Variants in KHDRBS2 observed in about 807,000 individuals in gnomAD.
KHDRBS2 encodes the protein KH domain-containing, RNA-binding, signal transduction-associated protein 2.
In KHDRBS2, 26 loss-of-function variants were observed where a neutral mutation model predicts 44.3. The observed-to-expected ratio is 0.59, with a 90% confidence interval of 0.43 to 0.81. KHDRBS2 has a LOEUF of 0.81. Among genes scored for constraint, KHDRBS2 ranks in the 40% least tolerant of loss-of-function variants. The probability of loss-of-function intolerance (pLI) is 0.00; values close to 1 mark genes in which losing one functional copy is unlikely to be tolerated. For synonymous variants in KHDRBS2, 194 were observed against 151.1 expected (o/e 1.28, Z -2.08); for missense variants, 476 against 433.1 (o/e 1.10, Z -0.88).
At chr6:62,169,655 A>G (rs1819610339) in intron 2 of KHDRBS2, among the ~76,000 whole-genome samples, 1 of 152,034 alleles carries the variant, frequency 6.6e-6, no homozygotes, top group South Asian at 2.1e-4. Flanking sequence ...GTCCCATGGG[A>G]GATTCACACT....
intron 1 of KHDRBS2, among the ~76,000 whole-genome samples, chr6:62,178,607 GAGACGTTAAAAGACTGTGT>G (rs1302820662): frequency 1.3e-5 from 2 of 151,552 alleles, no homozygotes; most frequent in East Asian, 3.9e-4. Flanking sequence ...AAGTAGGAAT[GAGACGTTAAAAGACTGTGT>G]AGTTACAACT....
At chr6:62,234,648 A>G (rs1833418385) in intron 1 of KHDRBS2, among the ~76,000 whole-genome samples, 1 of 152,102 alleles carries the variant, frequency 6.6e-6, no homozygotes, top group Non-Finnish European at 1.5e-5. Context: ...CAAGTTTGAG[A>G]GAATAGGCCT....
intron 1 of KHDRBS2, among the ~76,000 whole-genome samples, chr6:62,202,452 T>A (rs1827186136): frequency 6.6e-6 from 1 of 152,008 alleles, no homozygotes; most frequent in African/African-American, 2.4e-5. Context: ...TCATATGCAA[T>A]CATAAGACAA....
chr6:61,993,005 G>A (rs937790135), intron 3 of KHDRBS2, among the ~76,000 whole-genome samples: 10 of 152,118 alleles, frequency 6.6e-5, no homozygotes, highest in African/African-American at 1.9e-4. Context: ...AGCTTCAAGC[G>A]CAGTTGCTTA....
chr6:61,907,576 T>G (rs758577795), intron 4 of KHDRBS2, among the ~76,000 whole-genome samples: 2 of 152,206 alleles, frequency 1.3e-5, no homozygotes, highest in African/African-American at 2.4e-5. Context: ...TTTGATTTTA[T>G]TTTTGTATAT....
At chr6:61,580,705 G>T in the KHDRBS2 span, among the ~76,000 whole-genome samples, 1 of 151,886 alleles carries the variant, frequency 6.6e-6, no homozygotes, top group African/African-American at 2.4e-5. Context: ...ACACACCACT[G>T]TTAAGAGCTG....
chr6:61,937,614 T>A (rs1811275507), intron 4 of KHDRBS2, among the ~76,000 whole-genome samples: 1 of 152,134 alleles, frequency 6.6e-6, no homozygotes. Context: ...ATTTGTGTTA[T>A]AAGGCTGAAA....
At chr6:61,851,520 TG>T (rs1795415036) in intron 6 of KHDRBS2, among the ~76,000 whole-genome samples, 1 of 152,038 alleles carries the variant, frequency 6.6e-6, no homozygotes, top group South Asian at 2.1e-4. Flanking sequence ...CCATTACGAC[TG>T]GTATCATCAT....
At chr6:62,213,743 G>A (rs1298332277) in intron 1 of KHDRBS2, among the ~76,000 whole-genome samples, 1 of 151,664 alleles carries the variant, frequency 6.6e-6, no homozygotes, top group African/African-American at 2.4e-5. Context: ...GCATGGTGGT[G>A]GACACCCGTA....
intron 2 of KHDRBS2, among the ~76,000 whole-genome samples, chr6:62,163,261 C>T (rs1266455787): frequency 1.3e-5 from 2 of 151,924 alleles, no homozygotes; most frequent in East Asian, 1.9e-4. Flanking sequence ...CTTTAATTCC[C>T]GTGATTTCTT....
At chr6:62,270,656 G>A (rs1346462627) in intron 1 of KHDRBS2, among the ~76,000 whole-genome samples, 1 of 152,002 alleles carries the variant, frequency 6.6e-6, no homozygotes, top group African/African-American at 2.4e-5. Context: ...AACTCATTAA[G>A]TTTTATACTT....
rs77411929 is a variant in KHDRBS2, at chr6:61,868,255, C to T, written c.810+26380G>A. Among the ~76,000 whole-genome samples, 381 of 152,278 alleles carry T rather than the reference C, an allele frequency of 2.5e-3. 7 individuals are homozygous for T. The East Asian group carries it at 0.053, about 21-fold the overall frequency. On this transcript the variant is annotated intron_variant, in intron 6 of 8. Transcript: ENST00000281156. Reference sequence around the variant, plus strand: ...CCAAGCCATGATGGGGAACTGCCTCCACCTGCATCATCTTGGACTCTAAAG... The same window carrying T: ...CCAAGCCATGATGGGGAACTGCCTCTACCTGCATCATCTTGGACTCTAAAG...
At chr6:62,193,815 T>G (rs578008199) in intron 1 of KHDRBS2, among the ~76,000 whole-genome samples, 1 of 152,252 alleles carries the variant, frequency 6.6e-6, no homozygotes, top group South Asian at 2.1e-4. Flanking sequence ...GATTTGCATT[T>G]CTTTAATAAC....
chr6:61,543,818 A>T, the KHDRBS2 span, among the ~76,000 whole-genome samples: 1 of 152,070 alleles, frequency 6.6e-6, no homozygotes, highest in African/African-American at 2.4e-5. Context: ...ATGGAGCTGG[A>T]GGTCATTTTG....
chr6:61,818,833 T>C (rs1287413618), intron 6 of KHDRBS2, among the ~76,000 whole-genome samples: 4 of 151,908 alleles, frequency 2.6e-5, no homozygotes, highest in Admixed American at 6.6e-5. Flanking sequence ...CAGTTTTATC[T>C]CCCCCTAACA....
At chr6:61,747,549 T>G (rs1324233052) in intron 6 of KHDRBS2, among the ~76,000 whole-genome samples, 1 of 151,902 alleles carries the variant, frequency 6.6e-6, no homozygotes. Context: ...AACTATCACT[T>G]TCTAGTAAAT....
intron 1 of KHDRBS2, among the ~76,000 whole-genome samples, chr6:62,246,109 T>C (rs1835515218): frequency 1.1e-5 from 1 of 90,854 alleles, no homozygotes; most frequent in Admixed American, 1.0e-4. Flanking sequence ...ATTTTATATA[T>C]ATATATATAT....
At chr6:62,140,010 G>A (rs954453445) in intron 2 of KHDRBS2, among the ~76,000 whole-genome samples, 2 of 151,844 alleles carry the variant, frequency 1.3e-5, no homozygotes, top group Non-Finnish European at 2.9e-5. Flanking sequence ...TATCGTAAAT[G>A]TCTGGGTATA....
chr6:62,210,448 G>A (rs908747562), intron 1 of KHDRBS2, among the ~76,000 whole-genome samples: 2 of 149,930 alleles, frequency 1.3e-5, no homozygotes, highest in African/African-American at 2.5e-5. Context: ...ATCCTGCCTC[G>A]GCCCCCAGAG....
Sources: allele counts gnomAD v4.1 joint callset (sites outside exome capture counted in the v4.1 genomes callset), GRCh38; gene constraint gnomAD v4.1.1; transcripts MANE v1.5; gene names NCBI Gene and HGNC (gene_info 2026-07-23, HGNC 2026-07-21).